TBC1D22A: variants seen among roughly 807,000 people sequenced by gnomAD.
TBC1D22A encodes putative GTPase activator.
Under a neutral mutation model 60.2 loss-of-function variants are expected in TBC1D22A, and 38 were observed. The observed-to-expected ratio is 0.63, with a 90% CI of 0.49 to 0.83. The LOEUF is 0.83. Among genes scored for constraint, TBC1D22A ranks in the 40% least tolerant of loss-of-function variants. TBC1D22A has a pLI of 0.00. For missense variants in TBC1D22A, 628 were observed against 701.0 expected (o/e 0.90, Z 1.18); for synonymous variants, 302 against 281.7 (o/e 1.07, Z -0.72).
intron 11 of TBC1D22A, among the ~76,000 whole-genome samples, chr22:47,094,657 A>G (rs974024653): frequency 5.3e-5 from 8 of 152,266 alleles, no homozygotes; most frequent in African/African-American, 1.9e-4. Context: ...CATCAACCAA[A>G]GAATAAATAT....
chr22:47,130,536 G>A (rs955341182), intron 12 of TBC1D22A, among the ~76,000 whole-genome samples: 4 of 152,304 alleles, frequency 2.6e-5, no homozygotes, highest in East Asian at 3.9e-4. Flanking sequence ...CAGGCTTCGC[G>A]GGAATTTGCT....
At chr22:46,774,905 T>A (rs973988760) in intron 1 of TBC1D22A, among the ~76,000 whole-genome samples, 1 of 152,228 alleles carries the variant, frequency 6.6e-6, no homozygotes, top group African/African-American at 2.4e-5. Context: ...CTGATAGAAT[T>A]TTTAAGTGTG....
At chr22:47,139,439 C>T (rs1366813342) in intron 12 of TBC1D22A, among the ~76,000 whole-genome samples, 3 of 152,204 alleles carry the variant, frequency 2.0e-5, no homozygotes, top group Non-Finnish European at 4.4e-5. Context: ...CTGGGTAGGC[C>T]CGGGGTCTGC....
rs766900008 is a variant in TBC1D22A at position 46,891,343 on chromosome 22, G to A, written c.786G>A (p.Glu262=). ...RKQKEYFAFI[E]HYYDSRNDEV... is the part of the protein sequence containing the mutation. ...AAAAAGAATATTTTGCATTTATTGA[G>A]CACTATTACGATTCTAGGAACGACG... Residue 262 remains glutamate, a synonymous_variant, in exon 6 of 13, where the codon GAG becomes GAA. Transcript: ENST00000337137. 6.2e-7 allele frequency: 1 copy of A among 1,613,506 alleles called. No individual in the cohort carries two copies.
intron 11 of TBC1D22A, among the ~76,000 whole-genome samples, chr22:47,064,671 C>A (rs140770985): frequency 1.3e-5 from 2 of 152,204 alleles, no homozygotes; most frequent in African/African-American, 4.8e-5. Flanking sequence ...ATCACCGTAA[C>A]GCAGGACCAG....
intron 4 of TBC1D22A, among the ~76,000 whole-genome samples, chr22:46,818,852 T>G (rs8141715): frequency 0.27 from 41,307 of 152,154 alleles, 5,723 homozygotes; most frequent in South Asian, 0.42. Context: ...CGATGTTGAT[T>G]CTTCCCATTG....
intron 12 of TBC1D22A, among the ~76,000 whole-genome samples, chr22:47,161,728 G>C (rs2067991071): frequency 6.6e-6 from 1 of 152,374 alleles, no homozygotes; most frequent in Non-Finnish European, 1.5e-5. Flanking sequence ...GTGCCAGCCA[G>C]GTGGCTCCTG....
intron 8 of TBC1D22A, chr22:46,913,313 G>T: frequency 7.3e-7 from 1 of 1,364,708 alleles, no homozygotes; most frequent in South Asian, 1.1e-5. Context: ...CTCGCCTGTT[G>T]TTATTACATG....
At chr22:46,995,201 C>T (rs910036112) in intron 9 of TBC1D22A, among the ~76,000 whole-genome samples, 5 of 152,280 alleles carry the variant, frequency 3.3e-5, no homozygotes, top group African/African-American at 7.2e-5. Flanking sequence ...ATCCTCTCCC[C>T]GGAGCCCATC....
At chr22:46,845,111 T>C (rs565413697) in intron 4 of TBC1D22A, among the ~76,000 whole-genome samples, 1 of 152,280 alleles carries the variant, frequency 6.6e-6, no homozygotes, top group South Asian at 2.1e-4. Flanking sequence ...AGAAGGCCAT[T>C]TTGGTGAGAC....
chr22:46,839,262 A>G lies in TBC1D22A; in HGVS notation c.638-39391A>G, dbSNP rs12166312. ...ACAATAGAATCAAAAAGAATGAAAT[A>G]TGATACTTTGGTGTGAATGTAACCA... On this transcript the variant is annotated intron_variant, in intron 4 of 12. Transcript: ENST00000337137. Among the ~76,000 whole-genome samples the G allele has an allele frequency of 1.0e-2, 1,513 of 151,766 alleles. 21 individuals are homozygous for G. The highest frequency in any genetic ancestry group is 0.035 in the African/African-American group (1,431 of 41,404).
chr22:46,976,799 A>G (rs536647122), intron 9 of TBC1D22A, among the ~76,000 whole-genome samples: 1 of 152,210 alleles, frequency 6.6e-6, no homozygotes, highest in East Asian at 1.9e-4. Context: ...GCGTTCTTTC[A>G]AGGGCGTGTT....
intron 9 of TBC1D22A, among the ~76,000 whole-genome samples, chr22:46,984,831 G>A (rs1208564956): frequency 6.6e-6 from 1 of 152,238 alleles, no homozygotes; most frequent in African/African-American, 2.4e-5. Context: ...ATGACTCGGG[G>A]TGGAGTGGAC....
At chr22:46,913,476 C>T (rs539495587) in intron 8 of TBC1D22A, 1 of 1,337,580 alleles carries the variant, frequency 7.5e-7, no homozygotes, top group East Asian at 4.8e-5. Flanking sequence ...CCCTCTGACA[C>T]TTTGTTTCCA....
chr22:46,941,461 TATATACACGGA>T (rs1450447596), intron 8 of TBC1D22A, among the ~76,000 whole-genome samples: 2 of 146,886 alleles, frequency 1.4e-5, no homozygotes. Context: ...ATACGGAATA[TATATACACGGA>T]ATATATATAC....
At chr22:47,149,919 C>G (rs1289010599) in intron 12 of TBC1D22A, among the ~76,000 whole-genome samples, 1 of 152,120 alleles carries the variant, frequency 6.6e-6, no homozygotes, top group African/African-American at 2.4e-5. Context: ...GAATCCCATC[C>G]TCAGCCTCAG....
chr22:47,044,073 C>T (rs1056271744), intron 11 of TBC1D22A, among the ~76,000 whole-genome samples: 3 of 152,100 alleles, frequency 2.0e-5, no homozygotes, highest in Non-Finnish European at 2.9e-5. Flanking sequence ...GGAAGGGCAT[C>T]GCTGAGGCCG....
chr22:47,015,740 G>A (rs976529997), intron 10 of TBC1D22A, among the ~76,000 whole-genome samples: 5 of 152,222 alleles, frequency 3.3e-5, no homozygotes, highest in Non-Finnish European at 5.9e-5. Context: ...GCCACCAGCC[G>A]CCTCGTGGTG....
intron 4 of TBC1D22A, among the ~76,000 whole-genome samples, chr22:46,805,795 AC>A (rs1411336142): frequency 9.4e-6 from 1 of 106,558 alleles, no homozygotes; most frequent in Non-Finnish European, 2.0e-5. Context: ...GCCCCCCCAC[AC>A]CCCCCACCCG....
Sources: gnomAD v4.1 joint callset for allele counts (sites outside exome capture counted in the v4.1 genomes callset) on GRCh38, gnomAD v4.1.1 for gene constraint, MANE v1.5 for transcripts, NCBI Gene and HGNC (gene_info 2026-07-23, HGNC 2026-07-21) for gene names.